The following CATSPERE variants were observed in gnomAD, a reference collection of about 807,000 sequenced individuals.
CATSPERE encodes catsper channel auxiliary subunit epsilon.
In CATSPERE, 93 loss-of-function variants were observed where a neutral mutation model predicts 114.1. The observed-to-expected ratio is 0.81, with a 90% CI of 0.69 to 0.97. The LOEUF (loss-of-function observed/expected upper bound fraction) is 0.97. CATSPERE is among the 50% of genes least tolerant of loss of function. The pLI, the probability that CATSPERE is intolerant of heterozygous loss-of-function variation, is 0.00. For missense variants in CATSPERE, 1,058 were observed against 1,131.6 expected, an observed-to-expected ratio of 0.93 and a Z score of 0.93; for synonymous variants, 341 against 384.1, an observed-to-expected ratio of 0.89 and a Z score of 1.31.
At chr1:244,581,022 A>G (rs751554261) in intron 11 of CATSPERE, among the ~76,000 whole-genome samples, 2 of 151,890 alleles carry the variant, frequency 1.3e-5, no homozygotes, top group Non-Finnish European at 2.9e-5. Flanking sequence ...AATAATAATA[A>G]TAATAATTTC....
intron 7 of CATSPERE, among the ~76,000 whole-genome samples, chr1:244,506,120 T>C (rs1674779199): frequency 6.6e-6 from 1 of 152,234 alleles, no homozygotes; most frequent in African/African-American, 2.4e-5. Context: ...AGATAATTTA[T>C]GTAAATGGAA....
At chr1:244,472,070 C>T (rs780976386) in intron 2 of CATSPERE, among the ~76,000 whole-genome samples, 21 of 152,092 alleles carry the variant, frequency 1.4e-4, no homozygotes, top group Non-Finnish European at 2.9e-4. Flanking sequence ...GTGATCCTTC[C>T]GCCTCAGCCT....
Position 244,633,158 on chromosome 1 carries a change from C to T in CATSPERE, c.2649-2331C>T, listed in dbSNP as rs553232141. ...GAACTAAACAGAGAAACAGACAAAC[C>T]CCTAATTGCAGTTGGAGATTTCAAC... On this transcript the variant is annotated intron_variant, in intron 20 of 21. Transcript: ENST00000366534. This position sits in a 1 kb window ranked among gnomAD's most constrained non-coding sequence, Gnocchi z 4.1. 1.3e-5 allele frequency among the ~76,000 whole-genome samples: 2 copies of T among 152,120 alleles called. No individual in the cohort carries two copies. The highest frequency in any genetic ancestry group is 4.1e-4 in the South Asian group (2 of 4,820).
At chr1:244,472,189 G>A (rs930251571) in intron 2 of CATSPERE, among the ~76,000 whole-genome samples, 3 of 152,112 alleles carry the variant, frequency 2.0e-5, no homozygotes, top group Non-Finnish European at 2.9e-5. Context: ...TCAAACTCCT[G>A]AGCTCAAGCA....
intron 8 of CATSPERE, among the ~76,000 whole-genome samples, chr1:244,541,891 G>C (rs3124053): frequency 0.86 from 112,083 of 130,042 alleles, 49,076 homozygotes; most frequent in East Asian, 0.99. Context: ...ATCATTCTCA[G>C]TAAACTATCG....
intron 7 of CATSPERE, among the ~76,000 whole-genome samples, chr1:244,516,113 C>G (rs142292630): frequency 6.6e-6 from 1 of 151,628 alleles, no homozygotes. Flanking sequence ...ATCGCTTGAG[C>G]CTGAAAGGCA....
At chr1:244,509,227 A>G (rs975492100) in intron 7 of CATSPERE, among the ~76,000 whole-genome samples, 2 of 151,244 alleles carry the variant, frequency 1.3e-5, no homozygotes, top group African/African-American at 4.9e-5. Context: ...TATGGCTTTT[A>G]TTATGTTGAG....
chr1:244,452,610 TA>T (rs1232142877), upstream of CATSPERE, among the ~76,000 whole-genome samples: 1 of 152,216 alleles, frequency 6.6e-6, no homozygotes, highest in Admixed American at 6.5e-5. Context: ...AGGAGTGGAT[TA>T]CCTATGTCGC....
At chr1:244,469,782 C>T (rs974360092) in intron 2 of CATSPERE, among the ~76,000 whole-genome samples, 3 of 152,024 alleles carry the variant, frequency 2.0e-5, no homozygotes, top group African/African-American at 2.4e-5. Flanking sequence ...CAGTTCTTGA[C>T]GTTTATACAA....
At chr1:244,586,561 T>C (rs971894156) in intron 13 of CATSPERE, among the ~76,000 whole-genome samples, 2 of 152,162 alleles carry the variant, frequency 1.3e-5, no homozygotes, top group African/African-American at 2.4e-5. Context: ...AAATAAAATA[T>C]GCACTCCCAC....
rs1677030914 is a variant in CATSPERE, at chr1:244,518,691, A to C, written c.529A>C (p.Arg177=). The C allele has an allele frequency of 6.8e-7, 1 of 1,478,868 alleles. No individual in the cohort carries two copies. Among genetic ancestry groups the C allele is most frequent in the African/African-American group, 1.4e-5 (1 of 70,238 alleles). The allele number at this position is 1,478,868 out of a possible 1,614,324, so 91.6% of individuals were successfully genotyped here. The change falls in exon 8 of 22, where the codon AGA becomes CGA. Residue 177 remains arginine, a synonymous_variant. Transcript: ENST00000366534. ...RKVYSSNEKM[R]RGTWRIVVPM... is the part of the protein sequence containing the mutation. ...AGTTTATTCTTCAAATGAGAAAATG[A>C]GAAGGGGGTATTTAATTTTTTTTAA...
chr1:244,593,333 A>G, intron 15 of CATSPERE, 62 bp from the exon 16 acceptor site: 1 of 1,546,040 alleles, frequency 6.5e-7, no homozygotes. Flanking sequence ...AAACAAAGTC[A>G]TGGGTTTAGT....
rs566703602 is a variant in CATSPERE, at chr1:244,552,532, A to T, written c.747A>T (p.Ala249=). The change falls in exon 9 of 22, where the codon GCA becomes GCT. Residue 249 remains alanine, a synonymous_variant. Coordinates refer to ENST00000366534, the MANE Select transcript of CATSPERE (RefSeq NM_001130957.2). ...CTTCCTGGGATGCTTGTGTAGTTGC[A>T]TCTGCTGTTTTGGTGACAGATATGG... ...LMASWDACVV[A]SAVLVTDMET... 1.7e-5 allele frequency: 28 copies of T among 1,614,190 alleles called. No individual in the cohort carries two copies. In the Admixed American group the frequency reaches 1.8e-4, roughly 11 times the overall value.
intron 2 of CATSPERE, among the ~76,000 whole-genome samples, chr1:244,476,513 C>T (rs1669375432): frequency 6.6e-6 from 1 of 152,092 alleles, no homozygotes; most frequent in African/African-American, 2.4e-5. Context: ...TGTATCTTCT[C>T]ATGAATTTTT....
chr1:244,591,990 T>C (rs1195759625), intron 15 of CATSPERE, among the ~76,000 whole-genome samples: 6 of 151,494 alleles, frequency 4.0e-5, no homozygotes. Flanking sequence ...AAATCTCATA[T>C]TGCTCCCTGT....
intron 6 of CATSPERE, 28 bp downstream of exon 6, chr1:244,490,499 C>G (rs185697862): frequency 1.6e-6 from 2 of 1,268,694 alleles, no homozygotes; most frequent in Non-Finnish European, 2.3e-6. Context: ...TTTTGTATAG[C>G]CTTCATATAT....
At chr1:244,599,426 C>T (rs1668874247) in intron 17 of CATSPERE, among the ~76,000 whole-genome samples, 1 of 152,204 alleles carries the variant, frequency 6.6e-6, no homozygotes, top group Non-Finnish European at 1.5e-5. Flanking sequence ...TCCTCTCTCT[C>T]TCATACACCC....
In CATSPERE at chr1:244,594,059, A is replaced by T. The variant is rs142279575; in HGVS notation, c.2303+481A>T. Among the ~76,000 whole-genome samples the T allele has an allele frequency of 3.8e-3, 578 of 152,334 alleles. 2 individuals carry two copies. The highest frequency in any genetic ancestry group is 5.9e-3 in the Non-Finnish European group (402 of 68,018). Reference sequence around the variant, plus strand: ...ATTTCAGCCAGGTACGGTGGCTCACACCTGTAATCCCAGTGCTTTGGGAGG... The same window carrying T: ...ATTTCAGCCAGGTACGGTGGCTCACTCCTGTAATCCCAGTGCTTTGGGAGG... On this transcript the variant is annotated intron_variant, in intron 17 of 21. Coordinates refer to ENST00000366534, the MANE Select transcript of CATSPERE (RefSeq NM_001130957.2).
At chr1:244,479,338 C>A (rs1669896393) in intron 4 of CATSPERE, among the ~76,000 whole-genome samples, 1 of 152,088 alleles carries the variant, frequency 6.6e-6, no homozygotes. Flanking sequence ...GGTGATCCAC[C>A]CACCTCGGCC....
Sources: gnomAD v4.1 joint callset for allele counts (sites outside exome capture counted in the v4.1 genomes callset) on GRCh38, gnomAD v4.1.1 for gene constraint, Gnocchi (gnomAD v3.1) non-coding constraint, MANE v1.5 for transcripts, NCBI Gene and HGNC (gene_info 2026-07-23, HGNC 2026-07-21) for gene names.